Variants in DAB1 observed in about 807,000 individuals in gnomAD.
The protein encoded by DAB1 is DAB adaptor protein 1, also known as disabled homolog 1.
In DAB1, 15 loss-of-function variants were observed where a neutral mutation model predicts 64.6. That is an observed-to-expected ratio of 0.23 (90% confidence interval 0.16 to 0.36). The LOEUF (loss-of-function observed/expected upper bound fraction) is 0.36, where lower values mean the gene tolerates loss of function less well. Ranked by LOEUF, DAB1 falls within the 10% of genes least tolerant of loss-of-function variation. The probability of loss-of-function intolerance (pLI) is 1.00; values close to 1 mark genes in which losing one functional copy is unlikely to be tolerated. For synonymous variants in DAB1, 235 were observed against 251.9 expected, an observed-to-expected ratio of 0.93 and a Z score of 0.64; for missense variants, 596 against 706.7, an observed-to-expected ratio of 0.84 and a Z score of 1.78.
At chr1:57,396,505 G>A (rs763816375) in intron 1 of DAB1, among the ~76,000 whole-genome samples, 23 of 152,126 alleles carry the variant, frequency 1.5e-4, no homozygotes, top group Non-Finnish European at 2.4e-4. Context: ...AATGGCTGAC[G>A]GCAAAAGTAA....
chr1:58,295,050 C>T (rs1216079044), intron 4 of DAB1, among the ~76,000 whole-genome samples: 1 of 152,068 alleles, frequency 6.6e-6, no homozygotes, highest in Non-Finnish European at 1.5e-5. Context: ...AGATTGTGGT[C>T]TTTGGAAAGC....
chr1:58,460,391 A>G (rs1045264667), intron 3 of DAB1, among the ~76,000 whole-genome samples: 2 of 152,122 alleles, frequency 1.3e-5, no homozygotes, highest in East Asian at 3.9e-4. Context: ...CTTTCTTCTA[A>G]TTGGGGTGTT....
At chr1:57,150,492 T>C (rs142941677) in intron 2 of DAB1, among the ~76,000 whole-genome samples, 1 of 152,282 alleles carries the variant, frequency 6.6e-6, no homozygotes, top group African/African-American at 2.4e-5. Flanking sequence ...CAGTGGTACA[T>C]GGGTGAGCAA....
intron 4 of DAB1, among the ~76,000 whole-genome samples, chr1:57,133,722 A>G (rs560836785): frequency 1.1e-3 from 163 of 152,342 alleles, no homozygotes; most frequent in African/African-American, 3.8e-3. Flanking sequence ...CACGTTCTGC[A>G]AATGTTTCTT....
intron 5 of DAB1, among the ~76,000 whole-genome samples, chr1:57,908,929 T>C (rs1310889496): frequency 6.6e-6 from 1 of 152,128 alleles, no homozygotes; most frequent in Non-Finnish European, 1.5e-5. Flanking sequence ...GTGCTGCTCT[T>C]CACTTTAAAG....
rs574735139 is a variant in DAB1, at chr1:58,354,232, C to T, written n.258-10829G>A. 4.6e-5 allele frequency among the ~76,000 whole-genome samples: 7 copies of T among 152,144 alleles called. No individual in the cohort carries two copies. In the East Asian group the frequency reaches 1.2e-3, roughly 25 times the overall value. On this transcript the variant is annotated intron_variant and non_coding_transcript_variant, in intron 3 of 20. Transcript: ENST00000485760. ...TTTTTTCACTATGGTTATCTCAGTG[C>T]TCCCAGATCTACGAGAAAGGATGGT...
chr1:57,119,735 C>T (rs931881486), intron 4 of DAB1, among the ~76,000 whole-genome samples: 4 of 152,012 alleles, frequency 2.6e-5, no homozygotes, highest in Admixed American at 2.6e-4. Context: ...AGGAAGAGGT[C>T]TATTAAATCA....
intron 6 of DAB1, among the ~76,000 whole-genome samples, chr1:57,818,851 C>T (rs780267421): frequency 2.0e-5 from 3 of 151,586 alleles, no homozygotes; most frequent in East Asian, 1.9e-4. Context: ...ACAGAAGATC[C>T]GAGTGCTGAA....
chr1:57,214,910 CAAAAA>C (rs56175448), intron 2 of DAB1, among the ~76,000 whole-genome samples: 2 of 58,754 alleles, frequency 3.4e-5, no homozygotes, highest in African/African-American at 1.4e-4. Flanking sequence ...GATTCCCTCT[CAAAAA>C]AAAAAAAAAA....
intron 5 of DAB1, among the ~76,000 whole-genome samples, chr1:58,134,653 G>C (rs1653842465): frequency 6.6e-6 from 1 of 152,224 alleles, no homozygotes; most frequent in African/African-American, 2.4e-5. Flanking sequence ...CAGCAGGAGA[G>C]AGACAGTGAA....
chr1:57,583,896 C>T (rs1645346296), intron 7 of DAB1, among the ~76,000 whole-genome samples: 1 of 152,192 alleles, frequency 6.6e-6, no homozygotes, highest in South Asian at 2.1e-4. Flanking sequence ...GTGGGGCTTA[C>T]ATGCCATTGC....
chr1:57,027,275 A>G (rs1646821075), intron 9 of DAB1, among the ~76,000 whole-genome samples: 1 of 152,192 alleles, frequency 6.6e-6, no homozygotes, highest in Admixed American at 6.5e-5. Flanking sequence ...AGGGTCCCAG[A>G]TGGGGAAGAA....
chr1:58,229,321 G>A (rs187474000), intron 4 of DAB1, among the ~76,000 whole-genome samples: 25 of 152,262 alleles, frequency 1.6e-4, no homozygotes, highest in African/African-American at 4.3e-4. Flanking sequence ...TATCTCTTAC[G>A]TGCATTTTGA....
At chr1:57,355,919 C>A (rs61353086) in intron 1 of DAB1, among the ~76,000 whole-genome samples, 9 of 135,724 alleles carry the variant, frequency 6.6e-5, no homozygotes, top group East Asian at 2.1e-4. Context: ...CACACACACA[C>A]AAAATGTCCT....
Position 57,033,689 on chromosome 1 carries a change from G to A in DAB1, c.724-7646C>T, listed in dbSNP as rs1210445252. The A allele has an allele frequency of 3.1e-5, 30 of 981,960 alleles. 1 individual carries two copies. The highest frequency in any genetic ancestry group is 2.9e-4 in the South Asian group (21 of 71,764). 60.8% of individuals were successfully genotyped at this position (981,960 alleles called of 1,614,324 possible). A position where few individuals can be genotyped will look rare whatever the true frequency, so the allele number is the denominator to read the frequency against. On this transcript the variant is annotated intron_variant, in intron 9 of 14. Transcript: ENST00000371236. The stretch of plus-strand genomic sequence containing the variant: ...TCACACTTCCGTGGTCTCAGTAGGC[G>A]GGAGCTGTTTCCAATGTCTGTGAAA...
At chr1:57,055,220 A>G (rs1479910353) in intron 9 of DAB1, among the ~76,000 whole-genome samples, 1 of 152,226 alleles carries the variant, frequency 6.6e-6, no homozygotes. Context: ...AGCAGATGAA[A>G]TGTATATTTC....
chr1:57,205,724 A>T (rs919324869), intron 2 of DAB1, among the ~76,000 whole-genome samples: 1 of 152,206 alleles, frequency 6.6e-6, no homozygotes, highest in Admixed American at 6.5e-5. Context: ...TCACACAGCT[A>T]GTAAGTGGCA....
intron 4 of DAB1, among the ~76,000 whole-genome samples, chr1:58,223,133 C>T (rs779261322): frequency 2.6e-5 from 4 of 152,128 alleles, no homozygotes; most frequent in Non-Finnish European, 5.9e-5. Context: ...GCACCAATCT[C>T]AGGGCTGGCA....
chr1:57,720,275 G>A (rs1171651353), intron 6 of DAB1, among the ~76,000 whole-genome samples: 2 of 152,166 alleles, frequency 1.3e-5, no homozygotes, highest in African/African-American at 4.8e-5. Flanking sequence ...CCTACTCAAA[G>A]CAATCCTATG....
Sources: allele counts gnomAD v4.1 joint callset (sites outside exome capture counted in the v4.1 genomes callset), GRCh38; gene constraint gnomAD v4.1.1; transcripts MANE v1.5; gene names NCBI Gene and HGNC (gene_info 2026-07-23, HGNC 2026-07-21).